The following RICTOR variants were observed in gnomAD, a reference collection of about 807,000 sequenced individuals.
RICTOR encodes rapamycin-insensitive companion of mTOR.
RICTOR carries 49 observed loss-of-function variants against 214.9 expected under a neutral mutation model. That is an observed-to-expected ratio of 0.23 (90% confidence interval 0.18 to 0.29). The LOEUF (loss-of-function observed/expected upper bound fraction) is 0.29. RICTOR is among the 10% of genes least tolerant of loss of function. The pLI, the probability that RICTOR is intolerant of heterozygous loss-of-function variation, is 1.00. For missense variants in RICTOR, 1,625 were observed against 2,047.0 expected, an observed-to-expected ratio of 0.79 and a Z score of 3.98; for synonymous variants, 717 against 711.3, an observed-to-expected ratio of 1.01 and a Z score of -0.13.
At chr5:38,992,663 T>C (rs1431466884) in intron 6 of RICTOR, among the ~76,000 whole-genome samples, 2 of 152,166 alleles carry the variant, frequency 1.3e-5, no homozygotes, top group African/African-American at 4.8e-5. Context: ...ATGAAATATA[T>C]ACATAAAATT....
chr5:38,983,434 C>T (rs1751891295), intron 7 of RICTOR, among the ~76,000 whole-genome samples: 1 of 152,050 alleles, frequency 6.6e-6, no homozygotes, highest in Non-Finnish European at 1.5e-5. Context: ...GTCTCCTTTC[C>T]AATATATAAA....
At chr5:38,994,451 A>AAAAAAAAC (rs1304761708) in intron 6 of RICTOR, among the ~76,000 whole-genome samples, 1 of 101,546 alleles carries the variant, frequency 9.8e-6, no homozygotes, top group Non-Finnish European at 1.9e-5. Flanking sequence ...AAAAAAAAAA[A>AAAAAAAAC]AGTGCTTCAG....
chr5:39,041,415 T>C (rs546637275), intron 2 of RICTOR, among the ~76,000 whole-genome samples: 3 of 152,170 alleles, frequency 2.0e-5, no homozygotes, highest in African/African-American at 7.2e-5. Context: ...ATATCTTATA[T>C]CTTTGGGCAA....
At chr5:38,957,576 AC>A in intron 25 of RICTOR, 75 bp downstream of exon 25, 2 of 815,258 alleles carry the variant, frequency 2.5e-6, no homozygotes, top group Non-Finnish European at 4.1e-6. Context: ...ATATAAAAAA[AC>A]CATCCTCTAA....
At chr5:38,952,056 A>C (rs2112866865) in intron 30 of RICTOR, 140 bp downstream of exon 30, 1 of 599,364 alleles carries the variant, frequency 1.7e-6, no homozygotes, top group Non-Finnish European at 3.0e-6. Context: ...AAATATACAC[A>C]TTCTCCAAGA....
chr5:38,939,373 C>T lies in RICTOR; in HGVS notation c.*2931G>A, dbSNP rs191076166. The T allele has an allele frequency of 5.1e-3, 1,175 of 232,192 alleles. 4 individuals are homozygous for T. Among genetic ancestry groups the T allele is most frequent in the Middle Eastern group, 0.031 (24 of 778 alleles). The allele number at this position is 232,192 out of a possible 1,614,324, so 14.4% of individuals were successfully genotyped here. A position where few individuals can be genotyped will look rare whatever the true frequency, so the allele number is the denominator to read the frequency against. On this transcript the variant is annotated 3_prime_UTR_variant, in exon 38 of 38. Coordinates refer to ENST00000357387, the MANE Select transcript of RICTOR (RefSeq NM_152756.5). ...AATAATGTATATACTTCCAAAGAGC[C>T]TCTTTTAATGTCACTGTCATATAGA...
chr5:38,968,018 C>T lies in RICTOR; in HGVS notation c.985G>A (p.Glu329Lys). 6.2e-7 allele frequency: 1 copy of T among 1,600,500 alleles called. No homozygotes were observed. The highest frequency in any genetic ancestry group is 8.6e-7 in the Non-Finnish European group (1 of 1,168,212). Residue 329 changes from glutamate to lysine, a missense_variant, in exon 12 of 38, where the codon GAA becomes AAA. Glu to Lys is a moderately conservative substitution (Grantham distance 56, BLOSUM62 1). Around this residue, in one of 5 missense-constraint regions of RICTOR, gnomAD observed 258 missense variants for 393.7 expected, o/e 0.66. Transcript: ENST00000357387. ...AGACGAAATATATCATAAAGCACTT[C>T]AAGTAGACCTCGCTAAATTAGCAAA... ...PNMEIRRGLL[E>K]VLYDIFRLPL...
At chr5:38,960,877 T>A (rs1442156175) in intron 19 of RICTOR, among the ~76,000 whole-genome samples, 1 of 152,118 alleles carries the variant, frequency 6.6e-6, no homozygotes. Context: ...CCCCCTGTGC[T>A]CTGTACTTCT....
At chr5:38,996,934 T>C (rs1426746253) in intron 5 of RICTOR, 52 bp from the exon 6 acceptor site, 2 of 1,231,696 alleles carry the variant, frequency 1.6e-6, no homozygotes, top group Admixed American at 3.4e-5. Flanking sequence ...TAAACAACTT[T>C]TTGTATCACA....
chr5:39,010,547 G>C (rs185490158), intron 3 of RICTOR, among the ~76,000 whole-genome samples: 1 of 152,302 alleles, frequency 6.6e-6, no homozygotes, highest in South Asian at 2.1e-4. Flanking sequence ...AGCTTGGAAC[G>C]TCCTATAGAC....
At chr5:39,049,591 T>C (rs1757710298) in intron 2 of RICTOR, among the ~76,000 whole-genome samples, 1 of 149,168 alleles carries the variant, frequency 6.7e-6, no homozygotes, top group African/African-American at 2.5e-5. Flanking sequence ...AACCTCTGGC[T>C]TAAGGGAAAA....
chr5:38,990,803 T>TATGAG lies in RICTOR; in HGVS notation c.583+145_583+146insCTCAT, dbSNP rs764342244. On this transcript the variant is annotated intron_variant, in intron 7 of 37. Transcript: ENST00000357387. ...TATGAGATATATGAGATATATGATA[T>TATGAG]ATATGAGATATATGAGATATATGAT... The TATGAG allele has an allele frequency of 5.5e-4, 69 of 125,728 alleles. 7 individuals are homozygous for TATGAG. The highest frequency in any genetic ancestry group is 3.2e-3 in the African/African-American group (58 of 18,142). The allele number at this position is 125,728 out of a possible 1,614,324, so 7.8% of individuals were successfully genotyped here.
At chr5:39,009,601 A>G (rs971938269) in intron 3 of RICTOR, among the ~76,000 whole-genome samples, 4 of 152,106 alleles carry the variant, frequency 2.6e-5, no homozygotes, top group Non-Finnish European at 5.9e-5. Flanking sequence ...AATAATGGTT[A>G]AATTTAACCA....
chr5:39,046,435 A>T (rs1757507182), intron 2 of RICTOR, among the ~76,000 whole-genome samples: 1 of 125,618 alleles, frequency 8.0e-6, no homozygotes, highest in African/African-American at 3.4e-5. Context: ...TCTTTGAAAT[A>T]TTACTTTTTT....
At chr5:39,035,518 T>G (rs1028929970) in intron 2 of RICTOR, among the ~76,000 whole-genome samples, 1 of 151,952 alleles carries the variant, frequency 6.6e-6, no homozygotes, top group African/African-American at 2.4e-5. Context: ...AAGATCAAAC[T>G]ACTCCGAGCT....
In RICTOR at chr5:38,962,797, A is replaced by G. The variant is rs566250095; in HGVS notation, c.1566+79T>C. ...TGCATGAAGAGAAGTGTAAACTCAA[A>G]TACATGCATACTAAAATCCAGTGGT... On this transcript the variant is annotated intron_variant, in intron 17 of 37. Transcript: ENST00000357387. 7 of 1,203,424 alleles carry G rather than the reference A, an allele frequency of 5.8e-6. No individual in the cohort carries two copies. In the East Asian group the frequency reaches 9.3e-5, roughly 16 times the overall value. 74.5% of individuals were successfully genotyped at this position (1,203,424 alleles called of 1,614,324 possible). A position where few individuals can be genotyped will look rare whatever the true frequency, so the allele number is the denominator to read the frequency against.
At chr5:39,020,398 C>T (rs561448468) in intron 3 of RICTOR, among the ~76,000 whole-genome samples, 3 of 152,280 alleles carry the variant, frequency 2.0e-5, no homozygotes, top group East Asian at 3.9e-4. Context: ...GTCACCTTAA[C>T]CTTCAGCAAC....
intron 11 of RICTOR, chr5:38,970,351 A>G (rs1357980860): frequency 6.6e-6 from 1 of 152,238 alleles, no homozygotes; most frequent in African/African-American, 2.4e-5. Flanking sequence ...TCATTAACCT[A>G]ATTGTGCAAA....
Position 38,990,816 on chromosome 5 carries a change from TGA to T in RICTOR, c.583+131_583+132del, listed in dbSNP as rs1383974039. 1,193 of 172,470 alleles carry T rather than the reference TGA, an allele frequency of 6.9e-3. 33 individuals are homozygous for T. Among genetic ancestry groups the T allele is most frequent in the African/African-American group, 0.044 (850 of 19,484 alleles). 10.7% of individuals were successfully genotyped at this position (172,470 alleles called of 1,614,324 possible). A position where few individuals can be genotyped will look rare whatever the true frequency, so the allele number is the denominator to read the frequency against. On this transcript the variant is annotated intron_variant, in intron 7 of 37. Coordinates refer to ENST00000357387, the MANE Select transcript of RICTOR (RefSeq NM_152756.5). Reference sequence around the variant, plus strand: ...AGATATATGATATATATGAGATATATGAGATATATGATATATGAGATATATGA... The same window carrying T: ...AGATATATGATATATATGAGATATATGATATATGATATATGAGATATATGA...
Sources: gnomAD v4.1 joint callset for allele counts (sites outside exome capture counted in the v4.1 genomes callset) on GRCh38, gnomAD v4.1.1 for gene constraint, gnomAD v4.1.1 regional missense constraint, MANE v1.5 for transcripts, NCBI Gene and HGNC (gene_info 2026-07-23, HGNC 2026-07-21) for gene names.